PRPF18: variants seen among roughly 807,000 people sequenced by gnomAD.
The protein encoded by PRPF18 is pre-mRNA processing factor 18, also known as pre-mRNA-splicing factor 18.
A neutral mutation model predicts 46.5 loss-of-function variants in PRPF18; 38 were observed. That is an observed-to-expected ratio of 0.82 (90% CI 0.63 to 1.07). PRPF18 has a LOEUF of 1.07. Among genes scored for constraint, PRPF18 ranks in the 50% least tolerant of loss-of-function variants. The probability of loss-of-function intolerance (pLI) is 0.00; values close to 1 mark genes in which losing one functional copy is unlikely to be tolerated. For synonymous variants in PRPF18, 152 were observed against 146.7 expected, an observed-to-expected ratio of 1.04 and a Z score of -0.26; for missense variants, 263 against 410.0, an observed-to-expected ratio of 0.64 and a Z score of 3.10.
intron 4 of PRPF18, among the ~76,000 whole-genome samples, chr10:13,609,501 G>T (rs2080241533): frequency 6.6e-6 from 1 of 152,202 alleles, no homozygotes; most frequent in Non-Finnish European, 1.5e-5. Context: ...TTAGGAAGAT[G>T]AGGCTTCCAT....
At chr10:13,600,991 G>A (rs1301447234) in intron 3 of PRPF18, among the ~76,000 whole-genome samples, 5 of 152,104 alleles carry the variant, frequency 3.3e-5, no homozygotes, top group African/African-American at 1.2e-4. Flanking sequence ...ATGTTGGCCA[G>A]GCTGGTCTCA....
the PRPF18 span, chr10:13,644,511 C>CTCTCCATT: frequency 6.6e-6 from 1 of 152,184 alleles, no homozygotes; most frequent in Non-Finnish European, 1.5e-5. Context: ...GTAATTCCTG[C>CTCTCCATT]TCTCCATTTC....
In PRPF18 at chr10:13,621,749, G is replaced by A. The variant is rs74540608; in HGVS notation, c.948+5196G>A. ...GAATAATAATCTTCTAATGATTTCC[G>A]TTAAGCTTTTGCTATTACAAAAGGT... On this transcript the variant is annotated intron_variant, in intron 9 of 9. Transcript: ENST00000378572. Among the ~76,000 whole-genome samples, 65 of 152,234 alleles carry A rather than the reference G, an allele frequency of 4.3e-4. No homozygotes were observed. The East Asian group carries it at 8.3e-3, about 19-fold the overall frequency.
intron 8 of PRPF18, 26 bp from the exon 9 acceptor site, chr10:13,616,372 G>T: frequency 3.8e-6 from 6 of 1,581,674 alleles, no homozygotes; most frequent in South Asian, 1.1e-5. Context: ...TCGCCTTTCT[G>T]ATTTCTTCTT....
chr10:13,594,489 T>C (rs2080007414), intron 1 of PRPF18, among the ~76,000 whole-genome samples: 1 of 152,242 alleles, frequency 6.6e-6, no homozygotes, highest in African/African-American at 2.4e-5. Flanking sequence ...ATCATTTCAA[T>C]GAACTTTTCA....
At position 13,607,687 on chromosome 10, in the gene PRPF18, A is replaced by C. The variant is rs139154790; in HGVS notation, c.363+1943A>C. On this transcript the variant is annotated intron_variant, in intron 4 of 9. Transcript: ENST00000378572. ...TGGCCTCCCGAAGTGCCCGGGCCAG[A>C]AGTTTTATATTTTAATGAAGTCCAA... 3.4e-3 allele frequency among the ~76,000 whole-genome samples: 520 copies of C among 152,250 alleles called. 3 individuals are homozygous for C. The highest frequency in any genetic ancestry group is 0.012 in the African/African-American group (493 of 41,534).
At chr10:13,627,852 A>G (rs1324928483) in intron 9 of PRPF18, among the ~76,000 whole-genome samples, 1 of 152,182 alleles carries the variant, frequency 6.6e-6, no homozygotes, top group African/African-American at 2.4e-5. Flanking sequence ...GCAAACCATC[A>G]GTTTGCCTTC....
chr10:13,608,914 T>G (rs528837947), intron 4 of PRPF18, among the ~76,000 whole-genome samples: 1 of 152,184 alleles, frequency 6.6e-6, no homozygotes, highest in Admixed American at 6.5e-5. Flanking sequence ...TCTTCATTGG[T>G]AAAACAGAGG....
chr10:13,649,476 T>TGGTTCTCAGGTGGCTC, the PRPF18 span: 1 of 127,946 alleles, frequency 7.8e-6, no homozygotes, highest in Non-Finnish European at 1.9e-5. Flanking sequence ...ATTGGTGGTT[T>TGGTTCTCAGGTGGCTC]GGTTCTCAGG....
At chr10:13,591,891 A>C in intron 1 of PRPF18, 1 of 1,420,108 alleles carries the variant, frequency 7.0e-7, no homozygotes, top group African/African-American at 1.4e-5. Flanking sequence ...TCCCCGGGGT[A>C]ATGCTGGTTC....
the PRPF18 span, chr10:13,642,519 C>T: frequency 4.0e-5 from 6 of 150,822 alleles, no homozygotes; most frequent in Admixed American, 6.6e-5. Context: ...ATTAAATGTT[C>T]GGAATCACCT....
chr10:13,605,013 T>C (rs2080163931), intron 3 of PRPF18, among the ~76,000 whole-genome samples: 1 of 152,350 alleles, frequency 6.6e-6, no homozygotes, highest in African/African-American at 2.4e-5. Context: ...TAGACTTGAA[T>C]TGTAGAGTCA....
rs373896991 is a variant in PRPF18, at chr10:13,600,309, G to C, written c.210G>C (p.Leu70=). ...TSSNPVLELE[L]AEEKLPMTLS... is the part of the protein sequence containing the mutation. ...CGAATCCAGTGTTAGAACTTGAACT[G>C]GCAGAGGAAAAATTACCTATGACGC... Residue 70 remains leucine, a synonymous_variant, in exon 3 of 10, where the codon CTG becomes CTC. Transcript: ENST00000378572. 57 of 1,612,618 alleles carry C rather than the reference G, an allele frequency of 3.5e-5. No homozygotes were observed. The highest frequency in any genetic ancestry group is 4.7e-5 in the Non-Finnish European group (55 of 1,179,332).
intron 6 of PRPF18, 143 bp from the exon 7 acceptor site, chr10:13,613,598 T>A (rs1341253368): frequency 7.6e-6 from 7 of 921,274 alleles, no homozygotes; most frequent in Middle Eastern, 3.3e-4. Flanking sequence ...CAGAACTAGC[T>A]TATTCTATAT....
At chr10:13,592,026 C>T in intron 1 of PRPF18, 2 of 635,258 alleles carry the variant, frequency 3.1e-6, no homozygotes, top group Middle Eastern at 3.2e-4. Context: ...CTGGGTACTA[C>T]CATTCTTGTC....
intron 9 of PRPF18, among the ~76,000 whole-genome samples, 178 bp from the exon 10 acceptor site, chr10:13,630,082 T>C (rs1318569636): frequency 6.6e-6 from 1 of 152,234 alleles, no homozygotes; most frequent in Non-Finnish European, 1.5e-5. Context: ...TGATGAACAT[T>C]CTTGTGTGGA....
chr10:13,637,381 A>G, the PRPF18 span, among the ~76,000 whole-genome samples: 1 of 152,148 alleles, frequency 6.6e-6, no homozygotes, highest in African/African-American at 2.4e-5. Context: ...GGTAGTCATA[A>G]TGGTATCACG....
chr10:13,613,798 A>G lies in PRPF18; in HGVS notation c.637A>G (p.Ser213Gly). The change falls in exon 7 of 10, where the codon AGT becomes GGT. Residue 213 changes from serine to glycine, a missense_variant. Ser to Gly is a moderately conservative substitution (Grantham distance 56). Transcript: ENST00000378572. The stretch of plus-strand genomic sequence containing the variant: ...TGCCAGAGAAGATTATGTGAAACGC[A>G]GTGTGCAGGGTAAACTGAACAGTGC... ...LNAREDYVKR[S>G]VQGKLNSATQ... is the part of the protein sequence containing the mutation. 1 of 1,614,052 alleles carries G rather than the reference A, an allele frequency of 6.2e-7. No individual in the cohort carries two copies.
the PRPF18 span, chr10:13,637,066 TCA>T: frequency 2.0e-5 from 3 of 147,162 alleles, no homozygotes; most frequent in Non-Finnish European, 4.5e-5. Flanking sequence ...ATGCTGTGTC[TCA>T]CAATTTATTC....
Sources: gnomAD v4.1 joint callset for allele counts (sites outside exome capture counted in the v4.1 genomes callset) on GRCh38, gnomAD v4.1.1 for gene constraint, MANE v1.5 for transcripts, NCBI Gene and HGNC (gene_info 2026-07-23, HGNC 2026-07-21) for gene names.